The following CSDE1 variants were observed in gnomAD, a reference collection of about 807,000 sequenced individuals.
CSDE1 encodes cold shock domain containing E1.
A neutral mutation model predicts 89.3 loss-of-function variants in CSDE1; 17 were observed. The ratio of observed to expected loss-of-function variants is 0.19; its 90% CI spans 0.13 to 0.29. CSDE1 has a LOEUF of 0.29. Among genes scored for constraint, CSDE1 ranks in the 10% least tolerant of loss-of-function variants. The probability of loss-of-function intolerance (pLI) is 1.00; values close to 1 mark genes in which losing one functional copy is unlikely to be tolerated. For synonymous variants in CSDE1, 322 were observed against 332.8 expected, an observed-to-expected ratio of 0.97 and a Z score of 0.35; for missense variants, 672 against 984.2, an observed-to-expected ratio of 0.68 and a Z score of 4.24.
intron 16 of CSDE1, among the ~76,000 whole-genome samples, chr1:114,723,016 T>G (rs1469745918): frequency 6.6e-6 from 1 of 152,122 alleles, no homozygotes; most frequent in African/African-American, 2.4e-5. Context: ...TTTTAAAATT[T>G]TTTTATTATT....
At chr1:114,735,125 T>C (rs1273301572) in intron 6 of CSDE1, among the ~76,000 whole-genome samples, 2 of 152,192 alleles carry the variant, frequency 1.3e-5, no homozygotes, top group Non-Finnish European at 2.9e-5. Flanking sequence ...CCACCTCCAT[T>C]GGAGAATGGA....
chr1:114,741,772 T>C (rs1660739679), intron 2 of CSDE1: 2 of 842,282 alleles, frequency 2.4e-6, no homozygotes, highest in South Asian at 7.5e-5. Context: ...TAGCGAAATA[T>C]AAATTAGATT....
At position 114,717,849 on chromosome 1, in the gene CSDE1, T is replaced by A. The variant is rs1659272570; in HGVS notation, c.*320A>T. 1 of 327,564 alleles carries A rather than the reference T, an allele frequency of 3.1e-6. No individual in the cohort carries two copies. The highest frequency in any genetic ancestry group is 4.6e-5 in the Admixed American group (1 of 21,748). The allele number at this position is 327,564 out of a possible 1,614,324, so 20.3% of individuals were successfully genotyped here. A position where few individuals can be genotyped will look rare whatever the true frequency, so the allele number is the denominator to read the frequency against. The stretch of plus-strand genomic sequence containing the variant: ...ATAGGGCCAACAAGATAACAGTCTA[T>A]ATTTTTCACTTACACAGGCAAAGTG... On this transcript the variant is annotated 3_prime_UTR_variant, in exon 20 of 20. Transcript: ENST00000358528.
rs541503803 is a variant in CSDE1, at chr1:114,725,665, T to G, written c.1641-332A>C. Among the ~76,000 whole-genome samples the G allele has an allele frequency of 3.9e-5, 6 of 152,052 alleles. 1 individual carries two copies. In the South Asian group the frequency reaches 1.2e-3, roughly 32 times the overall value. ...CTATTTTTTTTTTTGAGACAGAGTC[T>G]CACTCTGTTGGCTAGGCTGGAGTAC... is the stretch of plus-strand genomic sequence containing the variant. On this transcript the variant is annotated intron_variant, in intron 14 of 19. Coordinates refer to ENST00000358528, the MANE Select transcript of CSDE1 (RefSeq NM_001007553.3).
intron 6 of CSDE1, among the ~76,000 whole-genome samples, chr1:114,736,434 T>A (rs910401016): frequency 6.6e-6 from 1 of 152,240 alleles, no homozygotes; most frequent in African/African-American, 2.4e-5. Context: ...CTTCTAATCA[T>A]AATGCTTTTT....
chr1:114,741,131 C>T (rs1362131795), intron 2 of CSDE1, among the ~76,000 whole-genome samples: 1 of 152,214 alleles, frequency 6.6e-6, no homozygotes, highest in South Asian at 2.1e-4. Flanking sequence ...GTATTGTATT[C>T]GCCTCATTTT....
chr1:114,736,433 A>G (rs1430834572), intron 6 of CSDE1, among the ~76,000 whole-genome samples: 2 of 152,192 alleles, frequency 1.3e-5, no homozygotes, highest in African/African-American at 4.8e-5. Flanking sequence ...ACTTCTAATC[A>G]TAATGCTTTT....
At chr1:114,746,759 T>C (rs1160029038) in intron 2 of CSDE1, 6 of 152,232 alleles carry the variant, frequency 3.9e-5, no homozygotes, top group African/African-American at 9.6e-5. Context: ...TTTCTCCATA[T>C]TGACCATTAT....
chr1:114,737,912 G>A, intron 4 of CSDE1, 51 bp downstream of exon 4: 1 of 1,182,994 alleles, frequency 8.5e-7, no homozygotes, highest in Non-Finnish European at 1.3e-6. Context: ...TAATGTGAAA[G>A]ATATGCAAAT....
Position 114,732,660 on chromosome 1 carries a change from T to C in CSDE1, c.994A>G (p.Thr332Ala), listed in dbSNP as rs888078416. The change falls in exon 10 of 20, where the codon ACC becomes GCC. Residue 332 changes from threonine (T) to alanine (A), a missense_variant. Transcript: ENST00000358528. The part of the protein sequence containing the change: ...TDRRDKLERA[T>A]NIEVLSNTFQ... ...GTATTTGACAGAACTTCTATATTGG[T>C]TGCTCGCTCTAATTTGTCACGTCGG... 2 of 1,614,098 alleles carry C rather than the reference T, an allele frequency of 1.2e-6. No individual in the cohort carries two copies. Among genetic ancestry groups the C allele is most frequent in the South Asian group, 1.1e-5 (1 of 91,076 alleles).
chr1:114,743,791 A>C (rs1217193305), intron 2 of CSDE1, among the ~76,000 whole-genome samples: 3 of 152,182 alleles, frequency 2.0e-5, no homozygotes, highest in Admixed American at 6.5e-5. Flanking sequence ...GACACATACC[A>C]AAAGAGTTGA....
chr1:114,731,613 A>G (rs923646741), intron 10 of CSDE1, among the ~76,000 whole-genome samples: 8 of 152,240 alleles, frequency 5.3e-5, no homozygotes, highest in Non-Finnish European at 1.2e-4. Flanking sequence ...AAATGAGTTC[A>G]TAAAACATGT....
At chr1:114,723,795 C>T (rs1421901491) in intron 16 of CSDE1, 88 bp downstream of exon 16, 4 of 1,564,900 alleles carry the variant, frequency 2.6e-6, no homozygotes, top group East Asian at 2.3e-5. Flanking sequence ...CTAAAAACAA[C>T]TGCAATAAGC....
At chr1:114,731,047 T>C (rs1660070169) in intron 10 of CSDE1, among the ~76,000 whole-genome samples, 1 of 152,010 alleles carries the variant, frequency 6.6e-6, no homozygotes, top group Non-Finnish European at 1.5e-5. Flanking sequence ...ATTGCATGAG[T>C]TTAGGCCCAG....
intron 12 of CSDE1, among the ~76,000 whole-genome samples, 161 bp downstream of exon 12, chr1:114,730,097 C>T (rs1660020835): frequency 6.6e-6 from 1 of 152,130 alleles, no homozygotes; most frequent in Non-Finnish European, 1.5e-5. Context: ...GTCAATAATC[C>T]CAAGGTTAAG....
At chr1:114,719,465 A>C (rs1257584136) in intron 18 of CSDE1, 114 bp downstream of exon 18, 16 of 1,092,556 alleles carry the variant, frequency 1.5e-5, no homozygotes, top group East Asian at 2.5e-5. Flanking sequence ...GGAAGTATCA[A>C]GAAATAATAA....
At chr1:114,731,216 T>C (rs1054439213) in intron 10 of CSDE1, among the ~76,000 whole-genome samples, 2 of 151,956 alleles carry the variant, frequency 1.3e-5, no homozygotes, top group African/African-American at 4.8e-5. Flanking sequence ...TGAACACAAA[T>C]TATCAATCTG....
chr1:114,732,029 GGT>G (rs1660130559), intron 10 of CSDE1, among the ~76,000 whole-genome samples: 1 of 151,976 alleles, frequency 6.6e-6, no homozygotes, highest in African/African-American at 2.4e-5. Context: ...TGGCCAGGCT[GGT>G]CTTGAACTCC....
At chr1:114,737,704 A>G in intron 4 of CSDE1, 141 bp from the exon 5 acceptor site, 1 of 726,788 alleles carries the variant, frequency 1.4e-6, no homozygotes, top group Non-Finnish European at 2.3e-6. Context: ...TCATGCTGCC[A>G]AGTTTCAAAC....
Sources: gnomAD v4.1 joint callset for allele counts (sites outside exome capture counted in the v4.1 genomes callset) on GRCh38, gnomAD v4.1.1 for gene constraint, MANE v1.5 for transcripts, NCBI Gene and HGNC (gene_info 2026-07-23, HGNC 2026-07-21) for gene names.